PAPPA: variants seen among roughly 807,000 people sequenced by gnomAD.
The protein encoded by PAPPA is pappalysin-1.
PAPPA carries 60 observed loss-of-function variants against 164.0 expected under a neutral mutation model. The ratio of observed to expected loss-of-function variants is 0.37; its 90% CI spans 0.30 to 0.45. The LOEUF (loss-of-function observed/expected upper bound fraction) is 0.45, where lower values mean the gene tolerates loss of function less well. Ranked by LOEUF, PAPPA falls within the 20% of genes least tolerant of loss-of-function variation. The pLI is 1.00. For missense variants in PAPPA, 1,782 were observed against 2,087.3 expected (o/e 0.85, Z 2.85); for synonymous variants, 875 against 814.1 (o/e 1.07, Z -1.27).
chr9:116,386,539 G>A (rs1846814771), intron 21 of PAPPA, among the ~76,000 whole-genome samples: 1 of 152,196 alleles, frequency 6.6e-6, no homozygotes, highest in Non-Finnish European at 1.5e-5. Context: ...TGGGCTTAGA[G>A]TACATATGGG....
At chr9:116,354,529 C>T (rs1333309023) in intron 17 of PAPPA, among the ~76,000 whole-genome samples, 2 of 152,186 alleles carry the variant, frequency 1.3e-5, no homozygotes, top group East Asian at 3.8e-4. Flanking sequence ...GCGTCGTCTT[C>T]AATCAGTCTT....
chr9:116,391,629 C>T (rs1191482056), intron 21 of PAPPA, among the ~76,000 whole-genome samples: 1 of 152,230 alleles, frequency 6.6e-6, no homozygotes, highest in East Asian at 1.9e-4. Flanking sequence ...GCCTCAGCAG[C>T]TCACCCAGAG....
chr9:116,332,720 G>A, intron 12 of PAPPA: 1 of 391,416 alleles, frequency 2.6e-6, no homozygotes, highest in Non-Finnish European at 4.7e-6. Flanking sequence ...CTTTAACTCA[G>A]ACATCCTGTA....
At chr9:116,307,261 T>C (rs901093629) in intron 10 of PAPPA, among the ~76,000 whole-genome samples, 3 of 152,162 alleles carry the variant, frequency 2.0e-5, no homozygotes, top group Non-Finnish European at 4.4e-5. Flanking sequence ...TTTGAGTTGC[T>C]ATTATCATTC....
rs940948533 is a variant in PAPPA at position 116,397,940 on chromosome 9, G to A, written c.*1324G>A. On this transcript the variant is annotated 3_prime_UTR_variant, in exon 22 of 22. Transcript: ENST00000328252. ...GGAGAAAGAATCTTTTATAAGAACA[G>A]TACAGATTGTTCTCAAGAGGGCCAT... 2.6e-5 allele frequency: 4 copies of A among 152,788 alleles called. No individual in the cohort carries two copies. The highest frequency in any genetic ancestry group is 4.4e-5 in the Non-Finnish European group (3 of 68,236). The allele number at this position is 152,788 out of a possible 1,614,324, so 9.5% of individuals were successfully genotyped here. A position where few individuals can be genotyped will look rare whatever the true frequency, so the allele number is the denominator to read the frequency against.
intron 14 of PAPPA, among the ~76,000 whole-genome samples, chr9:116,344,978 C>T (rs940149564): frequency 9.9e-5 from 15 of 152,178 alleles, no homozygotes; most frequent in Non-Finnish European, 1.8e-4. Context: ...TGCAAATCTC[C>T]AAGACCATGG....
chr9:116,275,064 G>A (rs1434950286), intron 9 of PAPPA, among the ~76,000 whole-genome samples: 2 of 152,166 alleles, frequency 1.3e-5, no homozygotes, highest in Non-Finnish European at 2.9e-5. Flanking sequence ...CTAATCTTGG[G>A]CTTGGAATTG....
At chr9:116,218,388 A>ATTTTAAGAT (rs1844402143) in intron 4 of PAPPA, among the ~76,000 whole-genome samples, 1 of 152,172 alleles carries the variant, frequency 6.6e-6, no homozygotes, top group South Asian at 2.1e-4. Context: ...TAGCAAGTTT[A>ATTTTAAGAT]TTTTAAGATT....
chr9:116,155,145 C>G (rs914547142), intron 1 of PAPPA, among the ~76,000 whole-genome samples: 3 of 152,194 alleles, frequency 2.0e-5, no homozygotes, highest in Non-Finnish European at 4.4e-5. Flanking sequence ...ACCCTCACCC[C>G]CTCCACGCCA....
chr9:116,238,058 C>G (rs912074354), intron 7 of PAPPA, among the ~76,000 whole-genome samples: 1 of 152,064 alleles, frequency 6.6e-6, no homozygotes, highest in Non-Finnish European at 1.5e-5. Context: ...AAAACTGGGA[C>G]ATTTAAAAAT....
At chr9:116,265,493 G>GA (rs1819759894) in intron 7 of PAPPA, among the ~76,000 whole-genome samples, 1 of 151,970 alleles carries the variant, frequency 6.6e-6, no homozygotes, top group African/African-American at 2.4e-5. Flanking sequence ...CTGTGCTTTT[G>GA]TTTATATTTA....
chr9:116,287,219 T>A (rs1845350885), intron 9 of PAPPA: 1 of 152,230 alleles, frequency 6.6e-6, no homozygotes, highest in South Asian at 2.1e-4. Context: ...TTTAGCACAA[T>A]GCCCAGCATG....
intron 5 of PAPPA, among the ~76,000 whole-genome samples, chr9:116,222,945 C>T (rs1844463365): frequency 6.6e-6 from 1 of 152,132 alleles, no homozygotes; most frequent in Admixed American, 6.5e-5. Context: ...TCTTACTGTA[C>T]TCCATGAATA....
intron 10 of PAPPA, among the ~76,000 whole-genome samples, chr9:116,307,509 A>G (rs1406009406): frequency 6.6e-6 from 1 of 152,124 alleles, no homozygotes; most frequent in African/African-American, 2.4e-5. Context: ...CTGAGGCAGG[A>G]GAATCGCTTG....
At chr9:116,237,554 T>A (rs1331446449) in intron 7 of PAPPA, among the ~76,000 whole-genome samples, 1 of 152,124 alleles carries the variant, frequency 6.6e-6, no homozygotes, top group Non-Finnish European at 1.5e-5. Context: ...TTAAACTGAA[T>A]AAATGAAAGA....
intron 17 of PAPPA, among the ~76,000 whole-genome samples, chr9:116,360,299 C>A (rs1846408307): frequency 6.6e-6 from 1 of 152,222 alleles, no homozygotes; most frequent in African/African-American, 2.4e-5. Flanking sequence ...CCACATGAAG[C>A]TGCGTAAGTT....
At chr9:116,192,718 G>A (rs1287410481) in intron 2 of PAPPA, among the ~76,000 whole-genome samples, 3 of 152,204 alleles carry the variant, frequency 2.0e-5, no homozygotes, top group African/African-American at 7.2e-5. Context: ...GTGAACTGTG[G>A]CCATTCTCTA....
At chr9:116,275,397 G>A (rs1413952906) in intron 9 of PAPPA, among the ~76,000 whole-genome samples, 3 of 152,096 alleles carry the variant, frequency 2.0e-5, no homozygotes, top group South Asian at 2.1e-4. Flanking sequence ...TTCTTCATAC[G>A]CATCTTTGTT....
At chr9:116,244,875 C>T (rs1428104513) in intron 7 of PAPPA, among the ~76,000 whole-genome samples, 1 of 152,124 alleles carries the variant, frequency 6.6e-6, no homozygotes, top group Non-Finnish European at 1.5e-5. Flanking sequence ...TTTATCACAG[C>T]ACTGTTCACA....
Sources: allele counts gnomAD v4.1 joint callset (sites outside exome capture counted in the v4.1 genomes callset), GRCh38; gene constraint gnomAD v4.1.1; transcripts MANE v1.5; gene names NCBI Gene and HGNC (gene_info 2026-07-23, HGNC 2026-07-21).